GPR143: variants seen among roughly 807,000 people sequenced by gnomAD.
GPR143 encodes G protein-coupled receptor 143, also known as G-protein coupled receptor 143.
GPR143 carries 8 observed loss-of-function variants against 27.6 expected under a neutral mutation model. The ratio of observed to expected loss-of-function variants is 0.29; its 90% CI spans 0.17 to 0.52. The LOEUF (loss-of-function observed/expected upper bound fraction) is 0.52. GPR143 is among the 20% of genes least tolerant of loss of function. The pLI is 0.96. For synonymous variants in GPR143, 156 were observed against 153.2 expected, an observed-to-expected ratio of 1.02 and a Z score of -0.13; for missense variants, 303 against 343.1, an observed-to-expected ratio of 0.88 and a Z score of 0.92.
intron 3 of GPR143, among the ~76,000 whole-genome samples, chrX:9,754,815 A>G (rs1356200586): frequency 9.0e-6 from 1 of 110,787 alleles, no homozygotes. Flanking sequence ...TATATCCTCT[A>G]TGGCAGCAGA....
At chrX:9,771,920 AG>A (rs1452724290) in intron 1 of GPR143, among the ~76,000 whole-genome samples, 1 of 110,509 alleles carries the variant, frequency 9.0e-6, no homozygotes, top group Non-Finnish European at 1.9e-5. Context: ...CATGTTAGCC[AG>A]GCTGGTCTTG....
At chrX:9,770,358 G>GAGAGAGAGA (rs1569127514), upstream of GPR143, among the ~76,000 whole-genome samples, 36 of 76,592 alleles carry the variant, frequency 4.7e-4, no homozygotes, top group African/African-American at 1.9e-3. Flanking sequence ...AGAGAGAGAG[G>GAGAGAGAGA]AAGACCAGCC....
chrX:9,751,011 AG>A (rs2083449105), intron 3 of GPR143, among the ~76,000 whole-genome samples: 2 of 112,682 alleles, frequency 1.8e-5, no homozygotes, highest in Admixed American at 1.9e-4. Context: ...TCATCCCAGG[AG>A]GATGCTCTGA....
intron 1 of GPR143, 151 bp from the exon 2 acceptor site, chrX:9,760,977 G>A (rs2083496530): frequency 9.2e-6 from 4 of 434,329 alleles, no homozygotes; most frequent in South Asian, 4.0e-5. Context: ...GAGAGAGGGA[G>A]GGAAAAAGAC....
At chrX:9,755,326 G>T (rs2083468873) in intron 3 of GPR143, among the ~76,000 whole-genome samples, 1 of 111,752 alleles carries the variant, frequency 8.9e-6, no homozygotes, top group Non-Finnish European at 1.9e-5. Context: ...ACTGAGGCAG[G>T]AGAATCGCTT....
intron 2 of GPR143, among the ~76,000 whole-genome samples, chrX:9,760,214 C>G (rs781556136): frequency 2.7e-5 from 3 of 110,930 alleles, no homozygotes; most frequent in Non-Finnish European, 5.7e-5. Context: ...GTCTTAGCCA[C>G]CTGAGTAGCT....
intron 3 of GPR143, among the ~76,000 whole-genome samples, chrX:9,758,797 AG>A (rs1183601188): frequency 6.3e-5 from 7 of 111,047 alleles, no homozygotes; most frequent in African/African-American, 2.3e-4. Flanking sequence ...CCGAGGTGGA[AG>A]AATCGCTTGA....
intron 6 of GPR143, 126 bp downstream of exon 6, chrX:9,743,439 T>C (rs747488817): frequency 5.5e-5 from 28 of 509,691 alleles, no homozygotes; most frequent in Non-Finnish European, 9.2e-5. Flanking sequence ...CCTAGCACAG[T>C]CTCAAAGATT....
Position 9,763,797 on chromosome X carries a change from C to A in GPR143, c.250+1771G>T, listed in dbSNP as rs745899982. Among the ~76,000 whole-genome samples, 6 of 112,296 alleles carry A rather than the reference C, an allele frequency of 5.3e-5. No homozygotes were observed. In the East Asian group the frequency reaches 1.4e-3, roughly 26 times the overall value. On this transcript the variant is annotated intron_variant, in intron 1 of 8. Coordinates refer to ENST00000467482, the MANE Select transcript of GPR143 (RefSeq NM_000273.3). ...CATAATAGTTTAAAGCAGATGTTGGCAAACTCATTCTTAATATTTTTGGCT... is the reference window on the plus strand; with the variant it reads ...CATAATAGTTTAAAGCAGATGTTGGAAAACTCATTCTTAATATTTTTGGCT...
At chrX:9,744,326 C>T (rs780642914) in intron 5 of GPR143, among the ~76,000 whole-genome samples, 4 of 111,669 alleles carry the variant, frequency 3.6e-5, no homozygotes, top group Admixed American at 2.9e-4. Context: ...AGCAAGACTC[C>T]GTCTCAAAAT....
At chrX:9,775,142 G>T (rs757658587) in intron 1 of GPR143, among the ~76,000 whole-genome samples, 105 of 112,303 alleles carry the variant, frequency 9.3e-4, no homozygotes, top group Non-Finnish European at 1.8e-3. Flanking sequence ...GATTATAGGT[G>T]TGAAAGGAAT....
rs1476509 is a variant in GPR143 at position 9,725,357 on chromosome X, G to A, written c.*389C>T. 0.32 allele frequency: 52,810 copies of A among 166,748 alleles called. 9,586 individuals carry two copies. Among genetic ancestry groups the A allele is most frequent in the African/African-American group, 0.74 (24,004 of 32,371 alleles). 13.7% of individuals were successfully genotyped at this position (166,748 alleles called of 1,213,427 possible). On this transcript the variant is annotated 3_prime_UTR_variant, in exon 9 of 9. Coordinates refer to ENST00000467482, the MANE Select transcript of GPR143 (RefSeq NM_000273.3). Reference sequence around the variant, plus strand: ...CATTAAGCAATGCATAACTGTACATGTATTTATTTTCTTTTGCTAGAAGTG... The same window carrying A: ...CATTAAGCAATGCATAACTGTACATATATTTATTTTCTTTTGCTAGAAGTG...
upstream of GPR143, chrX:9,765,988 C>G (rs189481921): frequency 1.3e-5 from 5 of 378,793 alleles, no homozygotes; most frequent in African/African-American, 1.3e-4. Context: ...ACTGGGCTAA[C>G]GCCACGAGGC....
At chrX:9,733,093 G>A (rs12557058) in intron 8 of GPR143, among the ~76,000 whole-genome samples, 31,888 of 109,746 alleles carry the variant, frequency 0.29, 4,404 homozygotes, top group East Asian at 0.57. Context: ...AAAAGGAATC[G>A]TGGGAAAGAT....
In GPR143 at chrX:9,759,420, T is replaced by C; in HGVS notation, c.367A>G (p.Ile123Val). The C allele has an allele frequency of 2.6e-6, 3 of 1,175,908 alleles. No individual in the cohort carries two copies. Among genetic ancestry groups the C allele is most frequent in the Non-Finnish European group, 3.5e-6 (3 of 867,043 alleles). ...AAFCVGSAMW[I>V]QLLYSACFWW... ...AAGCAGGCACTGTACAACAGCTGGA[T>C]CCACATCTGCAATCGGGAAGAGCCT... The change falls in exon 3 of 9, where the codon ATC (isoleucine) becomes GTC (valine). Residue 123 changes from isoleucine (I) to valine (V), a missense_variant. Physicochemically the swap from Ile to Val is conservative, Grantham distance 29. Coordinates refer to ENST00000467482, the MANE Select transcript of GPR143 (RefSeq NM_000273.3).
intron 1 of GPR143, among the ~76,000 whole-genome samples, chrX:9,774,519 G>A (rs1278507172): frequency 3.6e-5 from 4 of 112,470 alleles, no homozygotes; most frequent in Non-Finnish European, 1.9e-5. Flanking sequence ...AGGGTTGGCT[G>A]GCCCTTCAGC....
intron 8 of GPR143, among the ~76,000 whole-genome samples, chrX:9,732,865 CAAAAAAAAAAA>C (rs34622284): frequency 4.1e-5 from 2 of 48,194 alleles, no homozygotes; most frequent in Non-Finnish European, 7.4e-5. Context: ...AACTCCATCT[CAAAAAAAAAAA>C]AAAAAAAAAA....
chrX:9,774,750 G>C (rs1284106996), intron 1 of GPR143, among the ~76,000 whole-genome samples: 1 of 112,932 alleles, frequency 8.9e-6, no homozygotes, highest in Non-Finnish European at 1.9e-5. Flanking sequence ...CTTTGAGAAA[G>C]TAAAACTTGT....
intron 8 of GPR143, among the ~76,000 whole-genome samples, chrX:9,729,367 G>C (rs1464107456): frequency 9.0e-6 from 1 of 111,651 alleles, no homozygotes; most frequent in Non-Finnish European, 1.9e-5. Flanking sequence ...ATCAAGGTCT[G>C]GACTGAGGAC....
Sources: allele counts gnomAD v4.1 joint callset (sites outside exome capture counted in the v4.1 genomes callset), GRCh38; gene constraint gnomAD v4.1.1; transcripts MANE v1.5; gene names NCBI Gene and HGNC (gene_info 2026-07-23, HGNC 2026-07-21).